MYRIP: variants seen among roughly 807,000 people sequenced by gnomAD.
MYRIP encodes the protein rab effector MyRIP.
In MYRIP, 49 loss-of-function variants were observed where a neutral mutation model predicts 98.0. The observed-to-expected ratio is 0.50, with a 90% CI of 0.40 to 0.63. The LOEUF (loss-of-function observed/expected upper bound fraction) is 0.63, where lower values mean the gene tolerates loss of function less well. Ranked by LOEUF, MYRIP falls within the 30% of genes least tolerant of loss-of-function variation. The probability of loss-of-function intolerance (pLI) is 0.00; values close to 1 mark genes in which losing one functional copy is unlikely to be tolerated. For synonymous variants in MYRIP, 404 were observed against 409.5 expected (o/e 0.99, Z 0.16); for missense variants, 1,004 against 1,058.2 (o/e 0.95, Z 0.71).
At chr3:40,218,594 C>CAG (rs1952200699) in intron 11 of MYRIP, among the ~76,000 whole-genome samples, 1 of 4,374 alleles carries the variant, frequency 2.3e-4, no homozygotes, top group Non-Finnish European at 1.0e-3. Context: ...CACACACACA[C>CAG]ACACATATAT....
At chr3:40,031,944 T>G (rs1339581744) in intron 2 of MYRIP, among the ~76,000 whole-genome samples, 3 of 152,126 alleles carry the variant, frequency 2.0e-5, no homozygotes, top group Admixed American at 6.6e-5. Flanking sequence ...AACCAGCTCC[T>G]GGATTCATTA....
intron 3 of MYRIP, among the ~76,000 whole-genome samples, chr3:40,074,730 A>C (rs1948306217): frequency 6.6e-6 from 1 of 152,138 alleles, no homozygotes; most frequent in Non-Finnish European, 1.5e-5. Flanking sequence ...ACATCTGATA[A>C]AGGAGCTATC....
At chr3:40,257,259 T>C (rs961258212) in intron 16 of MYRIP, among the ~76,000 whole-genome samples, 1 of 152,152 alleles carries the variant, frequency 6.6e-6, no homozygotes, top group Non-Finnish European at 1.5e-5. Flanking sequence ...AAGTTTGAGG[T>C]TGCAGTGAGC....
chr3:39,903,565 A>T (rs1943798378), intron 2 of MYRIP, among the ~76,000 whole-genome samples: 1 of 152,190 alleles, frequency 6.6e-6, no homozygotes, highest in East Asian at 1.9e-4. Context: ...TGTCCTCAGA[A>T]CACATCATGG....
At chr3:39,858,201 A>G (rs999673191) in intron 1 of MYRIP, among the ~76,000 whole-genome samples, 26 of 152,302 alleles carry the variant, frequency 1.7e-4, no homozygotes, top group African/African-American at 6.0e-4. Context: ...GGATGGAAAA[A>G]TATATTCTGT....
intron 2 of MYRIP, among the ~76,000 whole-genome samples, chr3:39,998,707 C>T (rs953223796): frequency 6.6e-6 from 1 of 152,142 alleles, no homozygotes; most frequent in Non-Finnish European, 1.5e-5. Flanking sequence ...CAAAAAAGAG[C>T]CCGCATTGCC....
At chr3:39,985,178 G>GCTC (rs1946001604) in intron 2 of MYRIP, among the ~76,000 whole-genome samples, 1 of 150,720 alleles carries the variant, frequency 6.6e-6, no homozygotes, top group Admixed American at 6.7e-5. Flanking sequence ...CAAACAGAGA[G>GCTC]CCAAATCATG....
At chr3:39,821,620 A>G (rs189568642) in intron 1 of MYRIP, among the ~76,000 whole-genome samples, 13 of 152,132 alleles carry the variant, frequency 8.5e-5, no homozygotes, top group African/African-American at 3.1e-4. Flanking sequence ...GTATTGCTTC[A>G]GCAGTGTTTT....
At position 39,912,345 on chromosome 3, in the gene MYRIP, T is replaced by C. The variant is rs367723687; in HGVS notation, c.110+11419T>C. Reference sequence around the variant, plus strand: ...ACCTCTGGAATTAGTACTAGAATAATACGAAAACAGAAGACACCAAATAAT... The same window carrying C: ...ACCTCTGGAATTAGTACTAGAATAACACGAAAACAGAAGACACCAAATAAT... On this transcript the variant is annotated intron_variant, in intron 2 of 16. Transcript: ENST00000302541. 1.6e-3 allele frequency among the ~76,000 whole-genome samples: 241 copies of C among 152,240 alleles called. 5 individuals carry two copies. In the South Asian group the frequency reaches 0.036, roughly 23 times the overall value.
At chr3:40,023,413 A>G (rs1289192546) in intron 2 of MYRIP, among the ~76,000 whole-genome samples, 1 of 152,188 alleles carries the variant, frequency 6.6e-6, no homozygotes. Flanking sequence ...TTACCCAGAG[A>G]TCAGTAACCA....
intron 10 of MYRIP, among the ~76,000 whole-genome samples, chr3:40,193,958 T>C (rs1450998244): frequency 6.6e-6 from 1 of 152,184 alleles, no homozygotes; most frequent in Non-Finnish European, 1.5e-5. Flanking sequence ...TTAGTTTTAT[T>C]TTCTAATTAT....
chr3:40,196,852 T>C (rs1951407026), intron 10 of MYRIP, among the ~76,000 whole-genome samples: 1 of 152,204 alleles, frequency 6.6e-6, no homozygotes, highest in Admixed American at 6.5e-5. Context: ...TTTAGAGTCT[T>C]GTGAGGGACT....
intron 1 of MYRIP, among the ~76,000 whole-genome samples, chr3:39,833,023 C>G (rs995627902): frequency 6.6e-6 from 1 of 152,160 alleles, no homozygotes; most frequent in Non-Finnish European, 1.5e-5. Flanking sequence ...GTAAACAGAT[C>G]CACTTGATAA....
intron 3 of MYRIP, among the ~76,000 whole-genome samples, chr3:40,063,342 C>G (rs1025169720): frequency 6.6e-6 from 1 of 152,114 alleles, no homozygotes; most frequent in Non-Finnish European, 1.5e-5. Context: ...TAAAATTTCC[C>G]TGAATTGATC....
intron 4 of MYRIP, among the ~76,000 whole-genome samples, chr3:40,160,735 C>G (rs138383572): frequency 1.2e-4 from 19 of 152,182 alleles, no homozygotes; most frequent in African/African-American, 3.1e-4. Context: ...GCGCAGTATT[C>G]GGGTGGGAGT....
chr3:39,972,153 A>G (rs1184981258), intron 2 of MYRIP, among the ~76,000 whole-genome samples: 6 of 152,096 alleles, frequency 3.9e-5, no homozygotes, highest in African/African-American at 9.7e-5. Context: ...TTATATTCAC[A>G]TGAGCAATAT....
intron 2 of MYRIP, among the ~76,000 whole-genome samples, chr3:39,904,527 C>T (rs556300853): frequency 2.0e-5 from 3 of 152,174 alleles, no homozygotes; most frequent in Admixed American, 2.0e-4. Context: ...TGAGCCACTG[C>T]GCCTGGTCGT....
At chr3:40,097,773 G>C (rs1195307417) in intron 3 of MYRIP, among the ~76,000 whole-genome samples, 2 of 152,204 alleles carry the variant, frequency 1.3e-5, no homozygotes, top group African/African-American at 4.8e-5. Flanking sequence ...CAGAGGCATG[G>C]AAATGCTGCA....
intron 2 of MYRIP, among the ~76,000 whole-genome samples, chr3:39,946,305 A>C (rs1944900115): frequency 6.6e-6 from 1 of 152,208 alleles, no homozygotes. Context: ...TGTGGTGGGC[A>C]GAATGTTACA....
Sources: allele counts gnomAD v4.1 joint callset (sites outside exome capture counted in the v4.1 genomes callset), GRCh38; gene constraint gnomAD v4.1.1; transcripts MANE v1.5; gene names NCBI Gene and HGNC (gene_info 2026-07-23, HGNC 2026-07-21).